The following SPTB variants were observed in gnomAD, a reference collection of about 807,000 sequenced individuals.
SPTB encodes spectrin beta chain, erythrocytic.
A neutral mutation model predicts 256.2 loss-of-function variants in SPTB; 45 were observed. The ratio of observed to expected loss-of-function variants is 0.18; its 90% CI spans 0.14 to 0.23. SPTB has a LOEUF of 0.23. Among genes scored for constraint, SPTB ranks in the 10% least tolerant of loss-of-function variants. SPTB has a pLI of 1.00. For missense variants in SPTB, 2,715 were observed against 3,040.4 expected (o/e 0.89, Z 2.52); for synonymous variants, 1,231 against 1,243.1 (o/e 0.99, Z 0.21).
chr14:64,803,703 C>A lies in SPTB; in HGVS notation c.378G>T (p.Gln126His). 1 of 1,614,184 alleles carries A rather than the reference C, an allele frequency of 6.2e-7. No individual in the cohort carries two copies. The highest frequency in any genetic ancestry group is 8.5e-7 in the Non-Finnish European group (1 of 1,180,028). Reference protein sequence around the residue: ...VDKALQFLKEQRVHLENMGSH... With the variant: ...VDKALQFLKEHRVHLENMGSH... ...AGCCCATGTTCTCCAGGTGTACACG[C>A]TGCTCCTTGAGGAACTGGAGAGCCT... Residue 126 changes from glutamine (Q) to histidine (H), a missense_variant, in exon 4 of 36, where the codon CAG (glutamine) becomes CAT (histidine). Physicochemically the swap from Gln to His is conservative, Grantham distance 24. Around this residue, in one of 4 missense-constraint regions of SPTB, gnomAD observed 416 missense variants for 571.1 expected, o/e 0.73. Transcript: ENST00000644917.
chr14:64,754,304 G>A (rs1235662076), intron 32 of SPTB: 1 of 214,552 alleles, frequency 4.7e-6, no homozygotes. Context: ...AAAACTAAGG[G>A]TACCAGGTCC....
chr14:64,840,251 C>T (rs977396145), intron 1 of SPTB, among the ~76,000 whole-genome samples: 3 of 152,226 alleles, frequency 2.0e-5, no homozygotes, highest in Non-Finnish European at 4.4e-5. Flanking sequence ...TCCATTTCCA[C>T]CTTAGGATCC....
chr14:64,766,910 C>T (rs1234711316), intron 31 of SPTB, 109 bp from the exon 32 acceptor site: 4 of 1,360,760 alleles, frequency 2.9e-6, no homozygotes, highest in Non-Finnish European at 4.1e-6. Flanking sequence ...CCAAATAGCT[C>T]CCCCTCCAGT....
At chr14:64,805,785 C>T (rs2082971539) in intron 2 of SPTB, among the ~76,000 whole-genome samples, 1 of 152,206 alleles carries the variant, frequency 6.6e-6, no homozygotes, top group Admixed American at 6.5e-5. Flanking sequence ...AAACAAATTT[C>T]CTGCCCTCAA....
At chr14:64,766,023 ATG>A (rs66645231) in intron 32 of SPTB, among the ~76,000 whole-genome samples, 7,332 of 129,478 alleles carry the variant, frequency 0.057, 266 homozygotes, top group African/African-American at 0.12. Flanking sequence ...GTGTGTGCAT[ATG>A]TGTGTATGTG....
In SPTB at chr14:64,803,651, G is replaced by A. The variant is rs547207486; in HGVS notation, c.430C>T (p.Arg144Cys). The change falls in exon 4 of 36, where the codon CGC becomes TGC. Residue 144 changes from arginine (R) to cysteine (C), a missense_variant. By Grantham distance (180) the Arg-to-Cys change is radical. Coordinates refer to ENST00000644917, the MANE Select transcript of SPTB (RefSeq NM_001355436.2). ...GTCCAGATGAGGCCCAGGACCAGGC[G>A]GTGGTTGCCATCTACAATGTCGTGG... ...GSHDIVDGNH[R>C]LVLGLIWTII... The A allele has an allele frequency of 1.5e-5, 24 of 1,614,180 alleles. No individual in the cohort carries two copies. Among genetic ancestry groups the A allele is most frequent in the Admixed American group, 5.0e-5 (3 of 60,024 alleles).
chr14:64,871,877 T>G lies in SPTB; in HGVS notation c.-52+7915A>C, dbSNP rs896925846. Among the ~76,000 whole-genome samples the G allele has an allele frequency of 3.9e-5, 6 of 152,202 alleles. No individual in the cohort carries two copies. In the South Asian group the frequency reaches 1.2e-3, roughly 32 times the overall value. On this transcript the variant is annotated intron_variant, in intron 1 of 35. Transcript: ENST00000644917. ...ACAACCAGGAAGCATCAAAAAATAT[T>G]TGGGCTTTAACCAGCCAATTCAAAA...
At position 64,772,994 on chromosome 14, in the gene SPTB, C is replaced by A; in HGVS notation, c.5179-40G>T. 6.3e-7 allele frequency: 1 copy of A among 1,585,774 alleles called. No homozygotes were observed. The highest frequency in any genetic ancestry group is 8.5e-7 in the Non-Finnish European group (1 of 1,169,628). On this transcript the variant is annotated intron_variant, in intron 25 of 35. Transcript: ENST00000644917. The surrounding 1 kb of genome is among the most constrained non-coding windows in gnomAD (Gnocchi z 5.4). ...GACAGAAATGTGGTTATGGGGGGCA[C>A]AGGGGTTACAGGTGTCACCAGCTTA...
chr14:64,828,367 G>T (rs934353578), intron 1 of SPTB, among the ~76,000 whole-genome samples: 1 of 152,158 alleles, frequency 6.6e-6, no homozygotes, highest in African/African-American at 2.4e-5. Flanking sequence ...GGGAACAGGT[G>T]CTACTCAGCT....
At chr14:64,834,638 C>T (rs1477009535) in intron 1 of SPTB, among the ~76,000 whole-genome samples, 2 of 152,008 alleles carry the variant, frequency 1.3e-5, no homozygotes, top group Non-Finnish European at 2.9e-5. Flanking sequence ...GTTGGCCAGG[C>T]TGGTCTGGAA....
At chr14:64,765,430 A>G (rs1453880517) in intron 32 of SPTB, among the ~76,000 whole-genome samples, 1 of 152,008 alleles carries the variant, frequency 6.6e-6, no homozygotes, top group African/African-American at 2.4e-5. Context: ...GACCCCATGG[A>G]GTCCTAAGGG....
At chr14:64,751,879 C>T (rs963444060) in intron 33 of SPTB, among the ~76,000 whole-genome samples, 1 of 142,206 alleles carries the variant, frequency 7.0e-6, no homozygotes, top group African/African-American at 2.6e-5. Flanking sequence ...GTCAGGAGTT[C>T]GAGACCAGCC....
Position 64,768,950 on chromosome 14 carries a change from T to C in SPTB, c.6022+84A>G. On this transcript the variant is annotated intron_variant, in intron 29 of 35. Coordinates refer to ENST00000644917, the MANE Select transcript of SPTB (RefSeq NM_001355436.2). ...GCTCCTCTCTAGGCAGTAGTGAAAATCCACCCATTGTGGCACCTCCCCATT... is the reference window on the plus strand; with the variant it reads ...GCTCCTCTCTAGGCAGTAGTGAAAACCCACCCATTGTGGCACCTCCCCATT... The C allele has an allele frequency of 2.9e-5, 33 of 1,123,392 alleles. 1 individual carries two copies. The South Asian group carries it at 4.1e-4, about 14-fold the overall frequency. The allele number at this position is 1,123,392 out of a possible 1,614,324, so 69.6% of individuals were successfully genotyped here. A position where few individuals can be genotyped will look rare whatever the true frequency, so the allele number is the denominator to read the frequency against.
chr14:64,803,576 C>T (rs1297905769), intron 4 of SPTB, 31 bp downstream of exon 4: 1 of 1,613,550 alleles, frequency 6.2e-7, no homozygotes, highest in South Asian at 1.1e-5. Context: ...TTGAGGGCTC[C>T]CTCGACTTCC....
In SPTB at chr14:64,866,808, C is replaced by A. The variant is rs1882208254; in HGVS notation, c.-52+12984G>T. Among the ~76,000 whole-genome samples the A allele has an allele frequency of 6.6e-6, 1 of 152,160 alleles. No individual in the cohort carries two copies. The highest frequency in any genetic ancestry group is 6.5e-5 in the Admixed American group (1 of 15,274). ...TTCCTACTTTGACATGCCTTAAGGA[C>A]AAACAATAAACAGATTAACTGTACC... On this transcript the variant is annotated intron_variant, in intron 1 of 35. Transcript: ENST00000644917. The surrounding 1 kb of genome is among the most constrained non-coding windows in gnomAD (Gnocchi z 4.6).
In SPTB at chr14:64,823,101, A is replaced by G. The variant is rs1566787639; in HGVS notation, c.-7T>C. On this transcript the variant is annotated 5_prime_UTR_variant, in exon 2 of 36. Coordinates refer to ENST00000644917, the MANE Select transcript of SPTB (RefSeq NM_001355436.2). The surrounding 1 kb of genome is among the most constrained non-coding windows in gnomAD (Gnocchi z 6.5). ...ACTCTGTGGCCGATGTCATGTCAGC[A>G]GGCTCTTAGCAGCTCCGCCTGCCTC... 6.2e-7 allele frequency: 1 copy of G among 1,614,118 alleles called. No homozygotes were observed. The highest frequency in any genetic ancestry group is 1.7e-4 in the Middle Eastern group (1 of 6,014).
chr14:64,820,449 G>C lies in SPTB; in HGVS notation c.148+2498C>G, dbSNP rs1044827760. Among the ~76,000 whole-genome samples the C allele has an allele frequency of 8.5e-5, 13 of 152,284 alleles. No homozygotes were observed. In the East Asian group the frequency reaches 2.3e-3, roughly 27 times the overall value. On this transcript the variant is annotated intron_variant, in intron 2 of 35. Transcript: ENST00000644917. ...GAGAAGGAAGCCAGTAAACCACTTA[G>C]GTTGTTTGTTCTTGAAAATCTTGAA...
rs376295190 is a variant in SPTB, at chr14:64,812,601, C to G, written c.149-7511G>C. 2.6e-5 allele frequency among the ~76,000 whole-genome samples: 4 copies of G among 152,002 alleles called. No individual in the cohort carries two copies. The East Asian group carries it at 7.7e-4, about 29-fold the overall frequency. On this transcript the variant is annotated intron_variant, in intron 2 of 35. Coordinates refer to ENST00000644917, the MANE Select transcript of SPTB (RefSeq NM_001355436.2). ...GTCTCTTTCTTGTGTTACTCCTTCT[C>G]CAGGCTTCTCCGTGGCTCCTCCCTC...
chr14:64,779,914 C>T lies in SPTB; in HGVS notation c.4284G>A (p.Val1428=), dbSNP rs765562327. Residue 1428 remains valine, a synonymous_variant, in exon 21 of 36, where the codon GTG becomes GTA. Transcript: ENST00000644917. This position sits in a 1 kb window ranked among gnomAD's most constrained non-coding sequence, Gnocchi z 4.2. ...LAKLKRVEDQ[V]NVRKEELGEL... is the part of the protein sequence containing the mutation. ...CCCCCAGCTCCTCTTTTCGCACATT[C>T]ACTTGGTCCTCCACTCGCTGAGACA... 4 of 1,613,908 alleles carry T rather than the reference C, an allele frequency of 2.5e-6. No homozygotes were observed. The South Asian group carries it at 4.4e-5, about 18-fold the overall frequency.
Sources: allele counts gnomAD v4.1 joint callset (sites outside exome capture counted in the v4.1 genomes callset), GRCh38; gene constraint gnomAD v4.1.1; regional missense constraint gnomAD v4.1.1; non-coding constraint Gnocchi (gnomAD v3.1); transcripts MANE v1.5; gene names NCBI Gene and HGNC (gene_info 2026-07-23, HGNC 2026-07-21).